The following CALN1 variants were observed in gnomAD, a reference collection of about 807,000 sequenced individuals.
CALN1 encodes the protein calcium-binding protein 8.
A neutral mutation model predicts 30.6 loss-of-function variants in CALN1; 17 were observed. The observed-to-expected ratio is 0.56, with a 90% CI of 0.38 to 0.83. CALN1 has a LOEUF of 0.83. CALN1 is among the 40% of genes least tolerant of loss of function. The probability of loss-of-function intolerance (pLI) is 0.00; values close to 1 mark genes in which losing one functional copy is unlikely to be tolerated. For missense variants in CALN1, 291 were observed against 354.9 expected (o/e 0.82, Z 1.45); for synonymous variants, 156 against 131.4 (o/e 1.19, Z -1.28).
rs139046404 is a variant in CALN1 at position 72,150,872 on chromosome 7, TATGATG to T, written c.245-44584_245-44579del. 2.7e-3 allele frequency among the ~76,000 whole-genome samples: 411 copies of T among 150,530 alleles called. 1 individual carries two copies. The highest frequency in any genetic ancestry group is 7.4e-3 in the African/African-American group (303 of 41,034). On this transcript the variant is annotated intron_variant, in intron 3 of 6. Coordinates refer to ENST00000395275, the MANE Select transcript of CALN1 (RefSeq NM_031468.4). ...GCTCAATAACTATTTGCTGTGATGA[TATGATG>T]ATGATGATGATGATGATGATGATGA...
intron 3 of CALN1, among the ~76,000 whole-genome samples, chr7:72,277,120 G>A (rs956428500): frequency 2.0e-5 from 3 of 152,018 alleles, no homozygotes; most frequent in Non-Finnish European, 4.4e-5. Context: ...CCACCCAAGT[G>A]ACATCTATGA....
At chr7:72,107,070 C>G (rs978282560) in intron 3 of CALN1, among the ~76,000 whole-genome samples, 2 of 151,976 alleles carry the variant, frequency 1.3e-5, no homozygotes, top group African/African-American at 4.8e-5. Flanking sequence ...GGAGGCAGCT[C>G]GACCTGAGCA....
chr7:72,035,433 C>T (rs531989595), intron 4 of CALN1, among the ~76,000 whole-genome samples: 6 of 152,258 alleles, frequency 3.9e-5, no homozygotes, highest in African/African-American at 1.2e-4. Flanking sequence ...TAGCATATGC[C>T]AGCATTTCCT....
chr7:71,896,483 T>C (rs989380808), intron 5 of CALN1, among the ~76,000 whole-genome samples: 3 of 152,170 alleles, frequency 2.0e-5, no homozygotes, highest in Non-Finnish European at 4.4e-5. Flanking sequence ...AGTTCCCAGT[T>C]TCTCACTAAA....
At chr7:72,464,358 C>T in the CALN1 span, among the ~76,000 whole-genome samples, 1 of 152,180 alleles carries the variant, frequency 6.6e-6, no homozygotes, top group Non-Finnish European at 1.5e-5. Flanking sequence ...CTAGACCGTG[C>T]TATCTCTGAG....
intron 2 of CALN1, among the ~76,000 whole-genome samples, chr7:72,354,228 A>G (rs1562916297): frequency 6.6e-6 from 1 of 152,210 alleles, no homozygotes; most frequent in Non-Finnish European, 1.5e-5. Flanking sequence ...ACCATGAAAT[A>G]TTATGGATAA....
At chr7:72,363,763 G>GT (rs1475384609) in intron 2 of CALN1, among the ~76,000 whole-genome samples, 28 of 123,002 alleles carry the variant, frequency 2.3e-4, no homozygotes, top group Admixed American at 2.0e-3. Flanking sequence ...GTCTTGCTCT[G>GT]TCACCCAGGC....
At chr7:71,822,623 G>A (rs1339404091) in intron 5 of CALN1, among the ~76,000 whole-genome samples, 1 of 152,116 alleles carries the variant, frequency 6.6e-6, no homozygotes, top group African/African-American at 2.4e-5. Context: ...TTATGCTGCT[G>A]GATGTTTTTC....
chr7:72,439,098 G>A (rs535187837), intron 1 of CALN1, among the ~76,000 whole-genome samples: 55 of 152,196 alleles, frequency 3.6e-4, no homozygotes, highest in South Asian at 2.1e-3. Flanking sequence ...GTGCAGTGAC[G>A]CCATTATAGC....
At chr7:72,419,172 G>A (rs1007988832) in intron 1 of CALN1, among the ~76,000 whole-genome samples, 25 of 152,208 alleles carry the variant, frequency 1.6e-4, no homozygotes, top group Admixed American at 5.2e-4. Context: ...ACGCCCTGCC[G>A]CTGCTCAAAG....
intron 5 of CALN1, among the ~76,000 whole-genome samples, chr7:71,952,188 G>C (rs1030588794): frequency 6.6e-6 from 1 of 152,156 alleles, no homozygotes; most frequent in Admixed American, 6.5e-5. Flanking sequence ...TATGCGACCT[G>C]CAACTGCTAA....
chr7:71,976,806 G>A (rs1798122074), intron 5 of CALN1, among the ~76,000 whole-genome samples: 1 of 152,160 alleles, frequency 6.6e-6, no homozygotes, highest in South Asian at 2.1e-4. Context: ...AAGATGGCTG[G>A]CTGGAGTTTG....
intron 5 of CALN1, among the ~76,000 whole-genome samples, chr7:71,955,424 A>C (rs1292002115): frequency 6.6e-6 from 1 of 152,126 alleles, no homozygotes; most frequent in African/African-American, 2.4e-5. Context: ...AACTTTTTGC[A>C]TACGTTCCTT....
chr7:71,987,748 C>T (rs1798749201), intron 5 of CALN1, among the ~76,000 whole-genome samples: 1 of 152,224 alleles, frequency 6.6e-6, no homozygotes, highest in Non-Finnish European at 1.5e-5. Context: ...AGTCTCTTGC[C>T]TGCAGGCAGA....
chr7:72,089,780 T>G (rs1164412435), intron 4 of CALN1, among the ~76,000 whole-genome samples: 1 of 152,094 alleles, frequency 6.6e-6, no homozygotes, highest in African/African-American at 2.4e-5. Flanking sequence ...AAATACAAAC[T>G]GTTGGAAGTA....
chr7:72,182,854 T>C (rs1283233815), intron 3 of CALN1, among the ~76,000 whole-genome samples: 2 of 151,618 alleles, frequency 1.3e-5, no homozygotes, highest in African/African-American at 4.8e-5. Flanking sequence ...GACAATTATA[T>C]GGACAACTGT....
chr7:72,283,301 G>T (rs555733535), intron 2 of CALN1, among the ~76,000 whole-genome samples: 1 of 152,274 alleles, frequency 6.6e-6, no homozygotes, highest in Admixed American at 6.5e-5. Flanking sequence ...AAGGAGGGAG[G>T]ATCACTTGAT....
intron 2 of CALN1, among the ~76,000 whole-genome samples, chr7:72,324,966 T>A (rs1036269591): frequency 6.6e-6 from 1 of 152,142 alleles, no homozygotes; most frequent in Non-Finnish European, 1.5e-5. Flanking sequence ...ACAGATGCAT[T>A]TATCTCTTTG....
intron 2 of CALN1, among the ~76,000 whole-genome samples, chr7:72,309,041 A>G (rs376282496): frequency 6.6e-6 from 1 of 152,340 alleles, no homozygotes; most frequent in South Asian, 2.1e-4. Flanking sequence ...AATGGAGCAC[A>G]GGCCAATTAA....
Sources: allele counts gnomAD v4.1 joint callset (sites outside exome capture counted in the v4.1 genomes callset), GRCh38; gene constraint gnomAD v4.1.1; transcripts MANE v1.5; gene names NCBI Gene and HGNC (gene_info 2026-07-23, HGNC 2026-07-21).